The following ACOT13 variants were observed in gnomAD, a reference collection of about 807,000 sequenced individuals.
ACOT13 encodes the protein acyl-CoA thioesterase 13.
In ACOT13, 10 loss-of-function variants were observed where a neutral mutation model predicts 11.8. The ratio of observed to expected loss-of-function variants is 0.85; its 90% CI spans 0.53 to 1.44. ACOT13 has a LOEUF of 1.44. Ranked by LOEUF, ACOT13 falls within the 40% of genes most tolerant of loss-of-function variation. ACOT13 has a pLI of 0.00. For missense variants in ACOT13, 172 were observed against 174.1 expected (o/e 0.99, Z 0.07); for synonymous variants, 53 against 61.0 (o/e 0.87, Z 0.61).
intron 1 of ACOT13, among the ~76,000 whole-genome samples, chr6:24,668,429 C>T (rs903485646): frequency 6.6e-6 from 1 of 151,854 alleles, no homozygotes; most frequent in African/African-American, 2.4e-5. Context: ...TCATGTTGGT[C>T]AGGCTGGTCT....
chr6:24,694,508 T>C (rs768211591), intron 1 of ACOT13, among the ~76,000 whole-genome samples: 3 of 152,246 alleles, frequency 2.0e-5, no homozygotes, highest in Non-Finnish European at 2.9e-5. Context: ...CTCAGCATGG[T>C]CTCTAACATG....
intron 1 of ACOT13, among the ~76,000 whole-genome samples, chr6:24,692,739 T>C (rs755236151): frequency 7.9e-5 from 12 of 152,236 alleles, no homozygotes; most frequent in Non-Finnish European, 1.5e-4. Context: ...TGAATTTTAA[T>C]CTTAATTTTT....
intron 1 of ACOT13, among the ~76,000 whole-genome samples, chr6:24,680,242 A>G (rs1229261771): frequency 4.6e-5 from 7 of 152,196 alleles, no homozygotes; most frequent in Non-Finnish European, 7.3e-5. Flanking sequence ...AGATGGTGTT[A>G]TAATTTATAC....
chr6:24,668,719 A>G (rs533081059), intron 1 of ACOT13, among the ~76,000 whole-genome samples: 1 of 152,382 alleles, frequency 6.6e-6, no homozygotes, highest in South Asian at 2.1e-4. Context: ...TTGCCCTTAT[A>G]TGCAAACGAA....
intron 1 of ACOT13, among the ~76,000 whole-genome samples, chr6:24,696,394 T>C (rs1778794447): frequency 2.0e-5 from 3 of 152,232 alleles, no homozygotes; most frequent in African/African-American, 7.2e-5. Context: ...TAAATCACTC[T>C]GAATTTAAGT....
rs183039978 is a variant in ACOT13, at chr6:24,671,249, T to C, written c.81+3905T>C. Among the ~76,000 whole-genome samples the C allele has an allele frequency of 9.9e-5, 15 of 152,056 alleles. No individual in the cohort carries two copies. The East Asian group carries it at 2.9e-3, about 29-fold the overall frequency. On this transcript the variant is annotated intron_variant, in intron 1 of 2. Coordinates refer to ENST00000230048, the MANE Select transcript of ACOT13 (RefSeq NM_018473.4). ...AATGATAGACTGGATTAAGAAAAAA[T>C]GACACATATACACGATGGAATACTA...
chr6:24,682,136 C>A (rs890355282), intron 1 of ACOT13, among the ~76,000 whole-genome samples: 2 of 152,226 alleles, frequency 1.3e-5, no homozygotes, highest in African/African-American at 4.8e-5. Context: ...TAGCGTAACA[C>A]CTGAGTCTTA....
intron 1 of ACOT13, among the ~76,000 whole-genome samples, chr6:24,672,945 G>A (rs188990768): frequency 1.0e-3 from 155 of 152,190 alleles, no homozygotes; most frequent in Admixed American, 2.1e-3. Flanking sequence ...TTTGATTGGC[G>A]TCTTCTACGG....
At position 24,669,129 on chromosome 6, in the gene ACOT13, G is replaced by A. The variant is rs556997305; in HGVS notation, c.81+1785G>A. Among the ~76,000 whole-genome samples, 7 of 152,336 alleles carry A rather than the reference G, an allele frequency of 4.6e-5. No individual in the cohort carries two copies. In the South Asian group the frequency reaches 1.4e-3, roughly 32 times the overall value. ...TTTGAGACAGGTATCAGTTAATTTA[G>A]AAAGTTTATTTTGCCAAGGTTGAGG... On this transcript the variant is annotated intron_variant, in intron 1 of 2. Coordinates refer to ENST00000230048, the MANE Select transcript of ACOT13 (RefSeq NM_018473.4).
rs375652005 is a variant in ACOT13, at chr6:24,673,190, C to T, written c.81+5846C>T. ...AATGTAAACTCTGTTAGGTCAGTTA[C>T]CAAAAAGCAAAAGAAAAGACCTTCT... On this transcript the variant is annotated intron_variant, in intron 1 of 2. Coordinates refer to ENST00000230048, the MANE Select transcript of ACOT13 (RefSeq NM_018473.4). 4.5e-4 allele frequency among the ~76,000 whole-genome samples: 68 copies of T among 151,826 alleles called. No individual in the cohort carries two copies. In the South Asian group the frequency reaches 0.013, roughly 30 times the overall value.
intron 1 of ACOT13, among the ~76,000 whole-genome samples, chr6:24,680,508 C>T (rs2127623552): frequency 6.6e-6 from 1 of 152,166 alleles, no homozygotes; most frequent in Non-Finnish European, 1.5e-5. Context: ...GGGCCTAATG[C>T]TTATTCTTTT....
chr6:24,680,178 CA>C (rs1434405462), intron 1 of ACOT13, among the ~76,000 whole-genome samples: 3 of 152,124 alleles, frequency 2.0e-5, no homozygotes, highest in African/African-American at 7.2e-5. Flanking sequence ...GAAGTTTGCA[CA>C]TATGGCACTT....
chr6:24,682,684 G>A (rs1378243910), intron 1 of ACOT13, among the ~76,000 whole-genome samples: 2 of 151,348 alleles, frequency 1.3e-5, no homozygotes, highest in African/African-American at 4.9e-5. Context: ...TGGCAGGTCT[G>A]CGGTGGCGGG....
In ACOT13 at chr6:24,703,502, CAAAA is replaced by C. The variant is rs1778931150; in HGVS notation, c.*1888_*1891del. 6.6e-6 allele frequency: 1 copy of C among 151,840 alleles called. No individual in the cohort carries two copies. The highest frequency in any genetic ancestry group is 6.6e-5 in the Admixed American group (1 of 15,242). The allele number at this position is 151,840 out of a possible 1,614,324, so 9.4% of individuals were successfully genotyped here. ...TATCTTATGCATGAAAGGAGATGCT[CAAAA>C]TAATAAAGGCATGCAAATTATGATT... On this transcript the variant is annotated 3_prime_UTR_variant, in exon 3 of 3. Coordinates refer to ENST00000230048, the MANE Select transcript of ACOT13 (RefSeq NM_018473.4).
chr6:24,667,310 C>T lies in ACOT13; in HGVS notation c.47C>T (p.Thr16Ile), dbSNP rs764939547. 3 of 1,614,174 alleles carry T rather than the reference C, an allele frequency of 1.9e-6. No individual in the cohort carries two copies. The highest frequency in any genetic ancestry group is 2.2e-5 in the East Asian group (1 of 44,886). ...CTGCGGGAGGTGATAAAGGCCATGA[C>T]CAAGGCTCGCAATTTTGAGAGAGTT... ...QSLREVIKAMTKARNFERVLG... is the reference protein window; with the variant it reads ...QSLREVIKAMIKARNFERVLG... The change falls in exon 1 of 3, where the codon ACC (threonine) becomes ATC (isoleucine). Residue 16 changes from threonine to isoleucine, a missense_variant. Transcript: ENST00000230048.
intron 1 of ACOT13, among the ~76,000 whole-genome samples, chr6:24,678,778 G>A (rs1165735564): frequency 6.6e-6 from 1 of 152,216 alleles, no homozygotes; most frequent in African/African-American, 2.4e-5. Context: ...TCACAACTTA[G>A]TGGCTGTCCT....
chr6:24,679,153 G>A (rs1000582827), intron 1 of ACOT13, among the ~76,000 whole-genome samples: 2 of 152,172 alleles, frequency 1.3e-5, no homozygotes, highest in Non-Finnish European at 2.9e-5. Context: ...TTAGGCATTC[G>A]ATTTGCCCAG....
intron 1 of ACOT13, among the ~76,000 whole-genome samples, chr6:24,697,591 A>G (rs904500503): frequency 3.3e-5 from 5 of 152,236 alleles, no homozygotes; most frequent in Non-Finnish European, 7.3e-5. Flanking sequence ...AGTTCCAATG[A>G]GACATTAAAA....
In ACOT13 at chr6:24,701,683, G is replaced by GT. The variant is rs1562164293; in HGVS notation, c.*69dup. The GT allele has an allele frequency of 7.7e-6, 11 of 1,434,098 alleles. No homozygotes were observed. Among genetic ancestry groups the GT allele is most frequent in the Non-Finnish European group, 1.0e-5 (11 of 1,074,154 alleles). The allele number at this position is 1,434,098 out of a possible 1,614,324, so 88.8% of individuals were successfully genotyped here. A position where few individuals can be genotyped will look rare whatever the true frequency, so the allele number is the denominator to read the frequency against. ...AAGTATAGATTTGACTCAAACAATT[G>GT]TAATTTTTGAAATAAACTAGCAAAA... On this transcript the variant is annotated 3_prime_UTR_variant, in exon 3 of 3. Coordinates refer to ENST00000230048, the MANE Select transcript of ACOT13 (RefSeq NM_018473.4).
Sources: allele counts gnomAD v4.1 joint callset (sites outside exome capture counted in the v4.1 genomes callset), GRCh38; gene constraint gnomAD v4.1.1; transcripts MANE v1.5; gene names NCBI Gene and HGNC (gene_info 2026-07-23, HGNC 2026-07-21).